ZNF560: variants seen among roughly 807,000 people sequenced by gnomAD.
ZNF560 encodes the protein zinc finger protein 560.
Under a neutral mutation model 81.8 loss-of-function variants are expected in ZNF560, and 54 were observed. The observed-to-expected ratio is 0.66, with a 90% CI of 0.53 to 0.83. The LOEUF is 0.83. ZNF560 is among the 40% of genes least tolerant of loss of function. ZNF560 has a pLI of 0.00. For synonymous variants in ZNF560, 321 were observed against 317.9 expected, an observed-to-expected ratio of 1.01 and a Z score of -0.10; for missense variants, 940 against 932.4, an observed-to-expected ratio of 1.01 and a Z score of -0.11.
At position 9,467,368 on chromosome 19, in the gene ZNF560, A is replaced by C. The variant is rs2073042411; in HGVS notation, c.1579T>G (p.Ser527Ala). 1.9e-6 allele frequency: 3 copies of C among 1,614,030 alleles called. No homozygotes were observed. The highest frequency in any genetic ancestry group is 1.7e-5 in the Admixed American group (1 of 59,996). Reference sequence around the variant, plus strand: ...ATGTGAATACGAAGACAGGCAGAAGAGGTAAATGGTTTCCCACATTTGTAA... The same window carrying C: ...ATGTGAATACGAAGACAGGCAGAAGCGGTAAATGGTTTCCCACATTTGTAA... The part of the protein sequence containing the change: ...KCYKCGKPFT[S>A]SACLRIHMRT... The change falls in exon 10 of 10, where the codon TCT becomes GCT. Residue 527 changes from serine (S) to alanine (A), a missense_variant. Ser to Ala is a moderately conservative substitution (Grantham distance 99). Coordinates refer to ENST00000301480, the MANE Select transcript of ZNF560 (RefSeq NM_152476.3).
chr19:9,464,565 A>T (rs1484624160), downstream of ZNF560, among the ~76,000 whole-genome samples: 1 of 152,236 alleles, frequency 6.6e-6, no homozygotes, highest in Non-Finnish European at 1.5e-5. Flanking sequence ...GAAAAGAGGA[A>T]CAAGAGTATT....
rs1568456622 is a variant in ZNF560 at position 9,475,306 on chromosome 19, T to A, written c.8A>T (p.Tyr3Phe). The change falls in exon 3 of 10, where the codon TAC becomes TTC. Residue 3 changes from tyrosine to phenylalanine, a missense_variant. Transcript: ENST00000301480. ...TACCTGATAACAATTTGTCAGGCAG[T>A]AAGCCATCTTCCTTTCTGCCTCTGT... MAYCLTNCYQYSV... is the reference protein window; with the variant it reads MAFCLTNCYQYSV... 1 of 1,613,892 alleles carries A rather than the reference T, an allele frequency of 6.2e-7. No individual in the cohort carries two copies. The highest frequency in any genetic ancestry group is 1.7e-5 in the Admixed American group (1 of 59,994).
intron 2 of ZNF560, among the ~76,000 whole-genome samples, chr19:9,481,086 A>G (rs1283845645): frequency 6.7e-6 from 1 of 149,592 alleles, no homozygotes; most frequent in Admixed American, 6.7e-5. Flanking sequence ...TTATCTGAAA[A>G]AAAAAAAAAA....
downstream of ZNF560, among the ~76,000 whole-genome samples, chr19:9,463,621 G>A (rs1036218): frequency 0.15 from 23,363 of 152,202 alleles, 2,628 homozygotes; most frequent in African/African-American, 0.31. Context: ...GAACCACTCT[G>A]AAACCCTTTC....
At chr19:9,505,074 C>A in the ZNF560 span, among the ~76,000 whole-genome samples, 3 of 151,960 alleles carry the variant, frequency 2.0e-5, no homozygotes, top group Non-Finnish European at 4.4e-5. Flanking sequence ...ACATAGTGAG[C>A]CTTTGTCTCA....
chr19:9,478,093 T>C (rs569426946), intron 2 of ZNF560, among the ~76,000 whole-genome samples: 32 of 152,074 alleles, frequency 2.1e-4, no homozygotes, highest in African/African-American at 7.0e-4. Context: ...AGATATAATA[T>C]AATCAAACAG....
intron 4 of ZNF560, among the ~76,000 whole-genome samples, 180 bp from the exon 5 acceptor site, chr19:9,473,439 G>T (rs2073153144): frequency 6.6e-6 from 1 of 152,152 alleles, no homozygotes; most frequent in African/African-American, 2.4e-5. Flanking sequence ...TTAGCTGGGT[G>T]TGATGGCGTG....
Position 9,467,087 on chromosome 19 carries a change from T to C in ZNF560, c.1860A>G (p.Arg620=), listed in dbSNP as rs199702412. The C allele has an allele frequency of 6.2e-7, 1 of 1,614,014 alleles. No homozygotes were observed. Among genetic ancestry groups the C allele is most frequent in the South Asian group, 1.1e-5 (1 of 91,074 alleles). ...CATAGGGCTTATCTCCAGTGTGTCT[T>C]CGTAAATGTTTAGTAAGATCTGAGC... ...TERSDLTKHL[R]RHTGDKPYEY... is the part of the protein sequence containing the mutation. The change falls in exon 10 of 10, where the codon CGA becomes CGG. Residue 620 remains arginine, a synonymous_variant. Coordinates refer to ENST00000301480, the MANE Select transcript of ZNF560 (RefSeq NM_152476.3).
chr19:9,454,797 C>A, the ZNF560 span, among the ~76,000 whole-genome samples: 1 of 152,148 alleles, frequency 6.6e-6, no homozygotes, highest in East Asian at 1.9e-4. Flanking sequence ...GGCTCTGATT[C>A]ATTCCACCTT....
At position 9,467,654 on chromosome 19, in the gene ZNF560, G is replaced by C; in HGVS notation, c.1293C>G (p.Thr431=). ...EHIRCHAREK[T]FKCDHCGKAF... is the part of the protein sequence containing the mutation. ...CTTTCCCACAGTGGTCACATTTAAA[G>C]GTTTTCTCTCTGGCGTGACATCTTA... Residue 431 remains threonine (T), a synonymous_variant, in exon 10 of 10, where the codon ACC becomes ACG. Transcript: ENST00000301480. 2 of 1,614,070 alleles carry C rather than the reference G, an allele frequency of 1.2e-6. No homozygotes were observed. The highest frequency in any genetic ancestry group is 8.5e-7 in the Non-Finnish European group (1 of 1,180,014).
chr19:9,449,061 A>G, the ZNF560 span, among the ~76,000 whole-genome samples: 2 of 152,254 alleles, frequency 1.3e-5, no homozygotes, highest in Admixed American at 1.3e-4. Flanking sequence ...GAATAGTGGC[A>G]GACTTCAACA....
chr19:9,446,365 TACACACACACACACACACACACACAC>T, the ZNF560 span, among the ~76,000 whole-genome samples: 2 of 145,144 alleles, frequency 1.4e-5, no homozygotes, highest in Admixed American at 7.0e-5. Flanking sequence ...TGCCAAGTCA[TACACACACACACACACACACACACAC>T]ACACACACAC....
Position 9,467,538 on chromosome 19 carries a change from C to T in ZNF560, c.1409G>A (p.Gly470Asp), listed in dbSNP as rs777268991. 3.7e-6 allele frequency: 6 copies of T among 1,613,974 alleles called. No individual in the cohort carries two copies. The African/African-American group carries it at 8.0e-5, about 22-fold the overall frequency. Residue 470 changes from glycine (G) to aspartate (D), a missense_variant, in exon 10 of 10, where the codon GGT (glycine) becomes GAT (aspartate). Coordinates refer to ENST00000301480, the MANE Select transcript of ZNF560 (RefSeq NM_152476.3). ...ATCTTCAATAACACCTGAGGATGTACCAAAGGCCTTCCCATATTCCTTATG... is the reference window on the plus strand; with the variant it reads ...ATCTTCAATAACACCTGAGGATGTATCAAAGGCCTTCCCATATTCCTTATG... ...YEHKEYGKAF[G>D]TSSGVIEDRR...
Position 9,467,600 on chromosome 19 carries a change from TC to T in ZNF560, c.1346del (p.Gly449AspfsTer3). ...TCTCTCCATTATGAACTCTCAAATG[TC>T]CAAAAAGAGATGGGTAAGAAATAAA... is the stretch of plus-strand genomic sequence containing the variant. ...KAFISYPSLFGHLRVHNGEKP... is the reference protein window; with the variant it reads ...KAFISYPSLFXHLRVHNGEKP... On this transcript the variant is annotated frameshift_variant, in exon 10 of 10. Coordinates refer to ENST00000301480, the MANE Select transcript of ZNF560 (RefSeq NM_152476.3). LOFTEE classifies it high-confidence loss of function. The T allele has an allele frequency of 6.2e-7, 1 of 1,613,932 alleles. No homozygotes were observed. Among genetic ancestry groups the T allele is most frequent in the Non-Finnish European group, 8.5e-7 (1 of 1,179,948 alleles).
rs2073059380 is a variant in ZNF560, at chr19:9,468,039, T to C, written c.908A>G (p.Tyr303Cys). ...CCTGTGTGCTTCAAGGTATGACTGA[T>C]AAATGAAGGCTTTCCCATAGTCAGT... ...EGTDYGKAFI[Y>C]QSYLEAHRKT... The change falls in exon 10 of 10, where the codon TAT (tyrosine) becomes TGT (cysteine). Residue 303 changes from tyrosine (Y) to cysteine (C), a missense_variant. Physicochemically the swap from Tyr to Cys is radical, Grantham distance 194. Coordinates refer to ENST00000301480, the MANE Select transcript of ZNF560 (RefSeq NM_152476.3). 2 of 1,614,064 alleles carry C rather than the reference T, an allele frequency of 1.2e-6. No individual in the cohort carries two copies. Among genetic ancestry groups the C allele is most frequent in the African/African-American group, 2.7e-5 (2 of 74,922 alleles).
chr19:9,451,464 A>C, the ZNF560 span, among the ~76,000 whole-genome samples: 1 of 152,210 alleles, frequency 6.6e-6, no homozygotes, highest in Non-Finnish European at 1.5e-5. Context: ...ATATACAAAA[A>C]TTCAGGATGG....
downstream of ZNF560, among the ~76,000 whole-genome samples, chr19:9,463,836 T>A (rs538331483): frequency 6.6e-6 from 1 of 152,284 alleles, no homozygotes; most frequent in East Asian, 1.9e-4. Flanking sequence ...GCACGTGCCA[T>A]CACACCAGGC....
At position 9,466,816 on chromosome 19, in the gene ZNF560, G is replaced by A. The variant is rs1330937615; in HGVS notation, c.2131C>T (p.Pro711Ser). 1.2e-6 allele frequency: 2 copies of A among 1,613,910 alleles called. No homozygotes were observed. Reference protein sequence around the residue: ...DRLKTLTKIKPYKCKDCGKAF... With the variant: ...DRLKTLTKIKSYKCKDCGKAF... ...TTCCCACAGTCCTTACATTTATAGG[G>A]TTTTATTTTGGTGAGAGTTTTTAAG... The change falls in exon 10 of 10, where the codon CCC becomes TCC. Residue 711 changes from proline to serine, a missense_variant. Pro to Ser is a moderately conservative substitution (Grantham distance 74). Transcript: ENST00000301480.
intron 2 of ZNF560, among the ~76,000 whole-genome samples, chr19:9,491,003 A>C (rs1352594358): frequency 6.6e-6 from 1 of 152,216 alleles, no homozygotes; most frequent in Non-Finnish European, 1.5e-5. Context: ...CATTGAAAAT[A>C]TTTTGTACAT....
Sources: gnomAD v4.1 joint callset for allele counts (sites outside exome capture counted in the v4.1 genomes callset) on GRCh38, gnomAD v4.1.1 for gene constraint, MANE v1.5 for transcripts, NCBI Gene and HGNC (gene_info 2026-07-23, HGNC 2026-07-21) for gene names.